The following TMEM9 variants were observed in gnomAD, a reference collection of about 807,000 sequenced individuals.
TMEM9 encodes the protein proton-transporting V-type ATPase complex assembly regulator TMEM9.
A neutral mutation model predicts 22.8 loss-of-function variants in TMEM9; 13 were observed. That is an observed-to-expected ratio of 0.57 (90% CI 0.37 to 0.91). TMEM9 has a LOEUF of 0.91. Among genes scored for constraint, TMEM9 ranks in the 40% least tolerant of loss-of-function variants. The pLI is 0.01. For synonymous variants in TMEM9, 88 were observed against 93.0 expected (o/e 0.95, Z 0.31); for missense variants, 182 against 238.1 (o/e 0.76, Z 1.55).
chr1:201,135,610 C>T lies in TMEM9; in HGVS notation c.*53G>A. The T allele has an allele frequency of 6.6e-7, 1 of 1,522,714 alleles. No homozygotes were observed. The highest frequency in any genetic ancestry group is 2.4e-5 in the East Asian group (1 of 41,644). 94.3% of individuals were successfully genotyped at this position (1,522,714 alleles called of 1,614,324 possible). Reference sequence around the variant, plus strand: ...GAAGTAGCCCCCTGCTTTGTCCAGCCTGGAAGCTGGCAGCCATGGTGTTGG... The same window carrying T: ...GAAGTAGCCCCCTGCTTTGTCCAGCTTGGAAGCTGGCAGCCATGGTGTTGG... On this transcript the variant is annotated 3_prime_UTR_variant, in exon 5 of 5. Coordinates refer to ENST00000367330, the MANE Select transcript of TMEM9 (RefSeq NM_001288565.2).
At position 201,154,030 on chromosome 1, in the gene TMEM9, C is replaced by T. The variant is rs1665649242; in HGVS notation, c.-107G>A. 1.0e-5 allele frequency: 14 copies of T among 1,350,074 alleles called. No homozygotes were observed. Among genetic ancestry groups the T allele is most frequent in the Non-Finnish European group, 1.1e-5 (11 of 1,001,774 alleles). The allele number at this position is 1,350,074 out of a possible 1,614,324, so 83.6% of individuals were successfully genotyped here. On this transcript the variant is annotated 5_prime_UTR_variant, in exon 1 of 5. Coordinates refer to ENST00000367330, the MANE Select transcript of TMEM9 (RefSeq NM_001288565.2). ...CGCAGCCAGCACGCTAGGCCCTTAACCATCCGGCCAAGTGGGAATGGGGTT... is the reference window on the plus strand; with the variant it reads ...CGCAGCCAGCACGCTAGGCCCTTAATCATCCGGCCAAGTGGGAATGGGGTT...
At chr1:201,139,775 C>G (rs556266605) in intron 4 of TMEM9, among the ~76,000 whole-genome samples, 15 of 152,238 alleles carry the variant, frequency 9.9e-5, no homozygotes, top group African/African-American at 3.6e-4. Context: ...TCCATACACA[C>G]GATCGCAACA....
At chr1:201,148,541 C>T (rs940120853) in intron 2 of TMEM9, among the ~76,000 whole-genome samples, 1 of 152,248 alleles carries the variant, frequency 6.6e-6, no homozygotes, top group Non-Finnish European at 1.5e-5. Flanking sequence ...TGGGCCCGTT[C>T]TCTTCTCTTT....
At chr1:201,149,156 GGA>G (rs1665227659) in intron 2 of TMEM9, among the ~76,000 whole-genome samples, 1 of 152,222 alleles carries the variant, frequency 6.6e-6, no homozygotes, top group African/African-American at 2.4e-5. Context: ...ACAGCAATAA[GGA>G]GCTGAAATAG....
In TMEM9 at chr1:201,162,086, G is replaced by A. The variant is rs759529754; in HGVS notation, c.-36-8127C>T. ...GCCAGGAACCTTTTAATACATATGA[G>A]TGATCAAGAGTGTGTGGTATTAGTG... On this transcript the variant is annotated intron_variant, in intron 1 of 5. Coordinates refer to the TMEM9 transcript ENST00000367333. Among the ~76,000 whole-genome samples the A allele has an allele frequency of 5.1e-4, 77 of 152,080 alleles. 1 individual carries two copies. Among genetic ancestry groups the A allele is most frequent in the Non-Finnish European group, 9.6e-4 (65 of 68,020 alleles).
intron 1 of TMEM9, among the ~76,000 whole-genome samples, chr1:201,162,021 T>C (rs1485804232): frequency 2.0e-5 from 3 of 152,172 alleles, no homozygotes; most frequent in African/African-American, 7.2e-5. Flanking sequence ...ATTTATAGGG[T>C]GATTGAATAA....
upstream of TMEM9, among the ~76,000 whole-genome samples, chr1:201,155,227 T>C (rs540818842): frequency 1.3e-4 from 19 of 151,692 alleles, no homozygotes; most frequent in African/African-American, 4.6e-4. Flanking sequence ...CTGGAAAAGA[T>C]ACCTCCCTTC....
In TMEM9 at chr1:201,149,846, C is replaced by G. The variant is rs79130980; in HGVS notation, c.158+1915G>C. On this transcript the variant is annotated intron_variant, in intron 2 of 4. Coordinates refer to ENST00000367330, the MANE Select transcript of TMEM9 (RefSeq NM_001288565.2). ...CACCCTACCCTTAAGAGGCTCCAGG[C>G]AAGCACAGGATGACTCCCAGTCAAG... Among the ~76,000 whole-genome samples, 577 of 152,312 alleles carry G rather than the reference C, an allele frequency of 3.8e-3. 6 individuals carry two copies. Among genetic ancestry groups the G allele is most frequent in the African/African-American group, 0.013 (557 of 41,558 alleles).
chr1:201,164,401 C>G (rs1294986144), intron 1 of TMEM9, among the ~76,000 whole-genome samples: 1 of 152,152 alleles, frequency 6.6e-6, no homozygotes, highest in African/African-American at 2.4e-5. Context: ...TCCTGCAAAT[C>G]TACGACTGTC....
intron 1 of TMEM9, among the ~76,000 whole-genome samples, chr1:201,170,762 G>A (rs879819215): frequency 3.3e-5 from 5 of 152,238 alleles, no homozygotes; most frequent in Admixed American, 6.5e-5. Flanking sequence ...GCCAAAGAGG[G>A]ATTCCTTTCA....
chr1:201,142,540 T>C (rs1263327946), intron 4 of TMEM9, among the ~76,000 whole-genome samples: 1 of 152,240 alleles, frequency 6.6e-6, no homozygotes, highest in East Asian at 1.9e-4. Flanking sequence ...GCAGCTATCA[T>C]GCGTCTCCTT....
exon 1 of TMEM9, chr1:201,171,535 A>C (rs1237653414): frequency 6.6e-6 from 1 of 152,210 alleles, no homozygotes; most frequent in Non-Finnish European, 1.5e-5. Flanking sequence ...AGAGGCTTTC[A>C]GCTCCTGCTC....
upstream of TMEM9, among the ~76,000 whole-genome samples, chr1:201,158,199 T>C (rs925184079): frequency 2.0e-5 from 3 of 152,178 alleles, no homozygotes; most frequent in Non-Finnish European, 2.9e-5. Context: ...CATTCTTCCC[T>C]AGAGCTTCTA....
intron 1 of TMEM9, among the ~76,000 whole-genome samples, chr1:201,165,443 CT>C (rs757893021): frequency 7.0e-4 from 101 of 143,998 alleles, no homozygotes; most frequent in Admixed American, 9.0e-4. Context: ...CTTTTTCTTT[CT>C]TTTTTTTTTT....
At chr1:201,163,435 C>A (rs1375935572) in intron 1 of TMEM9, among the ~76,000 whole-genome samples, 1 of 151,994 alleles carries the variant, frequency 6.6e-6, no homozygotes, top group Non-Finnish European at 1.5e-5. Context: ...ACTAAAGATA[C>A]AAAAATTAGC....
intron 1 of TMEM9, among the ~76,000 whole-genome samples, chr1:201,161,384 T>G (rs1216139072): frequency 1.3e-5 from 2 of 152,204 alleles, no homozygotes; most frequent in African/African-American, 4.8e-5. Flanking sequence ...CAGACCATAC[T>G]TCAAAAATGG....
At chr1:201,159,777 A>G (rs902192150) in intron 1 of TMEM9, among the ~76,000 whole-genome samples, 2 of 152,188 alleles carry the variant, frequency 1.3e-5, no homozygotes, top group African/African-American at 4.8e-5. Context: ...TTAATAAATG[A>G]CAAACTCTAC....
intron 2 of TMEM9, among the ~76,000 whole-genome samples, chr1:201,151,555 C>G (rs1297577887): frequency 6.6e-6 from 1 of 152,210 alleles, no homozygotes; most frequent in East Asian, 1.9e-4. Context: ...CCAGGGACCA[C>G]TCAGCTGGAA....
At position 201,142,298 on chromosome 1, in the gene TMEM9, C is replaced by A. The variant is rs550958842; in HGVS notation, c.399+1522G>T. On this transcript the variant is annotated intron_variant, in intron 4 of 4. Transcript: ENST00000367330. ...CCTCCCTGATCTGCCCTTCTCTTCG[C>A]TGTTCATGCTGGCCCAGACCCACAT... Among the ~76,000 whole-genome samples, 8 of 152,354 alleles carry A rather than the reference C, an allele frequency of 5.3e-5. No homozygotes were observed. In the East Asian group the frequency reaches 1.5e-3, roughly 29 times the overall value.
Sources: allele counts gnomAD v4.1 joint callset (sites outside exome capture counted in the v4.1 genomes callset), GRCh38; gene constraint gnomAD v4.1.1; transcripts MANE v1.5; gene names NCBI Gene and HGNC (gene_info 2026-07-23, HGNC 2026-07-21).